The following GABRA4 variants were observed in gnomAD, a reference collection of about 807,000 sequenced individuals.
GABRA4 encodes gamma-aminobutyric acid receptor subunit alpha-4.
A neutral mutation model predicts 49.7 loss-of-function variants in GABRA4; 12 were observed. The ratio of observed to expected loss-of-function variants is 0.24; its 90% CI spans 0.15 to 0.39. The LOEUF is 0.39. Ranked by LOEUF, GABRA4 falls within the 10% of genes least tolerant of loss-of-function variation. The probability of loss-of-function intolerance (pLI) is 1.00; values close to 1 mark genes in which losing one functional copy is unlikely to be tolerated. For missense variants in GABRA4, 506 were observed against 686.0 expected (o/e 0.74, Z 2.93); for synonymous variants, 288 against 240.2 (o/e 1.20, Z -1.84).
chr4:46,981,118 CA>C (rs1204099612), intron 2 of GABRA4, among the ~76,000 whole-genome samples: 4 of 152,022 alleles, frequency 2.6e-5, no homozygotes, highest in African/African-American at 9.7e-5. Flanking sequence ...GCATTTCTAA[CA>C]AGTTCCTAGC....
intron 8 of GABRA4, among the ~76,000 whole-genome samples, chr4:46,937,513 T>G (rs1721641763): frequency 6.6e-6 from 1 of 152,200 alleles, no homozygotes; most frequent in South Asian, 2.1e-4. Context: ...TCTCTTCTGT[T>G]GTGCCTTCTT....
chr4:46,953,789 A>G (rs187840714), intron 8 of GABRA4, among the ~76,000 whole-genome samples: 42 of 152,294 alleles, frequency 2.8e-4, no homozygotes, highest in African/African-American at 8.4e-4. Flanking sequence ...AACAATGTAA[A>G]CATTAAGACA....
rs878858894 is a variant in GABRA4, at chr4:46,993,003, G to A, written c.87-57C>T. On this transcript the variant is annotated intron_variant, in intron 1 of 8. Coordinates refer to ENST00000264318, the MANE Select transcript of GABRA4 (RefSeq NM_000809.4). ...AGGAGATTATTTTAAGAATCCATCA[G>A]AGAACAGGTGCAAACAGGTTTGTTT... 1.5e-5 allele frequency: 20 copies of A among 1,298,702 alleles called. No homozygotes were observed. The East Asian group carries it at 3.5e-4, about 22-fold the overall frequency. The allele number at this position is 1,298,702 out of a possible 1,614,324, so 80.4% of individuals were successfully genotyped here.
At position 46,923,894 on chromosome 4, in the gene GABRA4, A is replaced by C. The variant is rs1721119677; in HGVS notation, c.*4331T>G. On this transcript the variant is annotated 3_prime_UTR_variant, in exon 9 of 9. Coordinates refer to ENST00000264318, the MANE Select transcript of GABRA4 (RefSeq NM_000809.4). The stretch of plus-strand genomic sequence containing the variant: ...CTTCCCTGCATTCACCCTTACCTCC[A>C]AACACAGAACTAAGAATTTGTAGTA... The C allele has an allele frequency of 6.6e-6, 1 of 152,100 alleles. No homozygotes were observed. The highest frequency in any genetic ancestry group is 6.6e-5 in the Admixed American group (1 of 15,244). The allele number at this position is 152,100 out of a possible 1,614,324, so 9.4% of individuals were successfully genotyped here. A position where few individuals can be genotyped will look rare whatever the true frequency, so the allele number is the denominator to read the frequency against.
chr4:46,920,199 G>A lies in GABRA4; in HGVS notation c.*8026C>T, dbSNP rs751524249. The A allele has an allele frequency of 2.6e-5, 4 of 151,638 alleles. No individual in the cohort carries two copies. The highest frequency in any genetic ancestry group is 7.2e-5 in the African/African-American group (3 of 41,464). 9.4% of individuals were successfully genotyped at this position (151,638 alleles called of 1,614,324 possible). A position where few individuals can be genotyped will look rare whatever the true frequency, so the allele number is the denominator to read the frequency against. ...CAGAGCTTCTTTTACTTCCCTCTAA[G>A]GAAGCTGTTTTCTATGGACTTCAAG... On this transcript the variant is annotated 3_prime_UTR_variant, in exon 9 of 9. Transcript: ENST00000264318.
intron 2 of GABRA4, among the ~76,000 whole-genome samples, chr4:46,983,323 C>G (rs1723422135): frequency 6.6e-6 from 1 of 152,038 alleles, no homozygotes; most frequent in South Asian, 2.1e-4. Context: ...GCTTTTCATG[C>G]CTTTACTATT....
intron 7 of GABRA4, among the ~76,000 whole-genome samples, chr4:46,970,218 G>A (rs1213493717): frequency 6.6e-6 from 1 of 151,294 alleles, no homozygotes; most frequent in African/African-American, 2.4e-5. Context: ...GTGTGATAAA[G>A]GATATTATAC....
At chr4:46,930,836 C>CA (rs111360718) in intron 8 of GABRA4, among the ~76,000 whole-genome samples, 120 of 141,672 alleles carry the variant, frequency 8.5e-4, no homozygotes, top group East Asian at 2.3e-3. Context: ...AAAACAAATG[C>CA]AAAAAAAAAA....
chr4:46,957,735 G>A (rs1722416427), intron 8 of GABRA4, among the ~76,000 whole-genome samples: 1 of 151,866 alleles, frequency 6.6e-6, no homozygotes, highest in Non-Finnish European at 1.5e-5. Context: ...AAGTCTTGAA[G>A]CTTAAAAGCA....
intron 3 of GABRA4, among the ~76,000 whole-genome samples, chr4:46,978,687 C>CAAAAA (rs71193889): frequency 3.2e-4 from 7 of 21,658 alleles, no homozygotes; most frequent in African/African-American, 9.2e-4. Flanking sequence ...AACTTCATCT[C>CAAAAA]AAAAAAAAAA....
intron 7 of GABRA4, among the ~76,000 whole-genome samples, chr4:46,966,753 ACAT>A (rs1321992597): frequency 6.6e-6 from 1 of 151,828 alleles, no homozygotes; most frequent in African/African-American, 2.4e-5. Flanking sequence ...CATGAGCTAC[ACAT>A]CATTTATAAA....
intron 5 of GABRA4, 63 bp downstream of exon 5, chr4:46,976,998 T>C (rs1723159819): frequency 3.4e-6 from 3 of 889,484 alleles, no homozygotes; most frequent in South Asian, 1.5e-5. Flanking sequence ...ATAAAATACA[T>C]GTGTAAATAT....
intron 8 of GABRA4, among the ~76,000 whole-genome samples, chr4:46,961,184 T>G (rs1040812837): frequency 2.0e-5 from 3 of 151,876 alleles, no homozygotes; most frequent in Non-Finnish European, 4.4e-5. Flanking sequence ...TGGAAAGATA[T>G]TAATTTTTCA....
intron 8 of GABRA4, among the ~76,000 whole-genome samples, chr4:46,929,141 A>G (rs1721341855): frequency 6.6e-6 from 1 of 151,990 alleles, no homozygotes; most frequent in Non-Finnish European, 1.5e-5. Flanking sequence ...TATGTCATAT[A>G]CATTTCAAAG....
At chr4:46,969,869 A>C (rs546137857) in intron 7 of GABRA4, among the ~76,000 whole-genome samples, 1 of 151,434 alleles carries the variant, frequency 6.6e-6, no homozygotes, top group Non-Finnish European at 1.5e-5. Flanking sequence ...TGAGTTGTGC[A>C]GTTATTCTTT....
At chr4:46,987,879 A>G (rs1560485304) in intron 2 of GABRA4, among the ~76,000 whole-genome samples, 3 of 151,970 alleles carry the variant, frequency 2.0e-5, no homozygotes, top group Admixed American at 6.6e-5. Context: ...GAAAACTCCA[A>G]TTGCTTCCAG....
chr4:46,965,156 A>G lies in GABRA4; in HGVS notation c.948T>C (p.Ala316=), dbSNP rs1485359793. The change falls in exon 8 of 9, where the codon GCT becomes GCC. Residue 316 remains alanine (A), a synonymous_variant. Coordinates refer to ENST00000264318, the MANE Select transcript of GABRA4 (RefSeq NM_000809.4). ...ARHSLPKVSY[A]TAMDWFIAVC... Reference sequence around the variant, plus strand: ...CAGCTATGAACCAGTCCATGGCGGTAGCATAGGACACTTTGGGCAAAGAAT... The same window carrying G: ...CAGCTATGAACCAGTCCATGGCGGTGGCATAGGACACTTTGGGCAAAGAAT... 1 of 1,610,738 alleles carries G rather than the reference A, an allele frequency of 6.2e-7. No individual in the cohort carries two copies. Among genetic ancestry groups the G allele is most frequent in the Non-Finnish European group, 8.5e-7 (1 of 1,178,070 alleles).
chr4:46,926,430 A>G lies in GABRA4; in HGVS notation c.*1795T>C, dbSNP rs1316277581. ...AATGTGTTGATTCTATGGAATACCT[A>G]GAAAGACAGCCAAGAATGATTTCTC... On this transcript the variant is annotated 3_prime_UTR_variant, in exon 9 of 9. Transcript: ENST00000264318. 6.6e-6 allele frequency: 1 copy of G among 151,932 alleles called. No homozygotes were observed. The highest frequency in any genetic ancestry group is 1.5e-5 in the Non-Finnish European group (1 of 67,884). The allele number at this position is 151,932 out of a possible 1,614,324, so 9.4% of individuals were successfully genotyped here.
intron 8 of GABRA4, among the ~76,000 whole-genome samples, chr4:46,950,748 T>TAAA (rs1553903639): frequency 6.6e-6 from 1 of 151,360 alleles, no homozygotes; most frequent in Non-Finnish European, 1.5e-5. Context: ...AATAAATAAA[T>TAAA]TACTATATGC....
Sources: gnomAD v4.1 joint callset for allele counts (sites outside exome capture counted in the v4.1 genomes callset) on GRCh38, gnomAD v4.1.1 for gene constraint, MANE v1.5 for transcripts, NCBI Gene and HGNC (gene_info 2026-07-23, HGNC 2026-07-21) for gene names.